Variants in NTN1 observed in about 807,000 individuals in gnomAD.
NTN1 encodes netrin 1.
NTN1 carries 11 observed loss-of-function variants against 54.2 expected under a neutral mutation model. That is an observed-to-expected ratio of 0.20 (90% CI 0.13 to 0.34). NTN1 has a LOEUF of 0.34. Ranked by LOEUF, NTN1 falls within the 10% of genes least tolerant of loss-of-function variation. The probability of loss-of-function intolerance (pLI) is 1.00; values close to 1 mark genes in which losing one functional copy is unlikely to be tolerated. For missense variants in NTN1, 740 were observed against 893.1 expected (o/e 0.83, Z 2.18); for synonymous variants, 371 against 382.0 (o/e 0.97, Z 0.33).
At chr17:9,184,127 G>A (rs1423224892) in intron 5 of NTN1, among the ~76,000 whole-genome samples, 1 of 152,188 alleles carries the variant, frequency 6.6e-6, no homozygotes, top group Non-Finnish European at 1.5e-5. Context: ...GAGAGTATTG[G>A]CAGTGCGCTG....
At chr17:9,065,296 C>T (rs867164869) in intron 2 of NTN1, among the ~76,000 whole-genome samples, 9 of 152,106 alleles carry the variant, frequency 5.9e-5, no homozygotes, top group Non-Finnish European at 8.8e-5. Flanking sequence ...CTCCGTCGGA[C>T]GGTGGCACAG....
chr17:9,068,750 C>T lies in NTN1; in HGVS notation c.1018+45359C>T, dbSNP rs184920775. Among the ~76,000 whole-genome samples, 85 of 152,208 alleles carry T rather than the reference C, an allele frequency of 5.6e-4. No individual in the cohort carries two copies. In the East Asian group the frequency reaches 9.5e-3, roughly 17 times the overall value. ...CTCGAACTCCTGACCTTAGATGATC[C>T]GCCTACCTCGGCCTCCCAAAGTGCT... On this transcript the variant is annotated intron_variant, in intron 2 of 6. Coordinates refer to ENST00000173229, the MANE Select transcript of NTN1 (RefSeq NM_004822.3).
At chr17:9,137,943 G>A (rs1265737453) in intron 2 of NTN1, among the ~76,000 whole-genome samples, 6 of 152,242 alleles carry the variant, frequency 3.9e-5, no homozygotes, top group Admixed American at 2.0e-4. Flanking sequence ...CGTGCCTGCA[G>A]TGAGCTCAGG....
At position 9,226,161 on chromosome 17, in the gene NTN1, T is replaced by TGGGGGG. The variant is rs148213778; in HGVS notation, c.1486+4919_1486+4920insGGGGGG. Among the ~76,000 whole-genome samples the TGGGGGG allele has an allele frequency of 5.0e-3, 589 of 117,578 alleles. 25 individuals are homozygous for TGGGGGG. The highest frequency in any genetic ancestry group is 0.028 in the South Asian group (83 of 2,914). The allele number at this position is 117,578 out of a possible 152,430, so 77.1% of individuals were successfully genotyped here. On this transcript the variant is annotated intron_variant, in intron 6 of 6. Coordinates refer to ENST00000173229, the MANE Select transcript of NTN1 (RefSeq NM_004822.3). ...CGAAGCAAGGCAAAGGGATTTGGGG[T>TGGGGGG]CGGGGGGGGGCCTCAGTGCCAAGGC...
chr17:9,111,815 G>A (rs1405503112), intron 2 of NTN1, among the ~76,000 whole-genome samples: 1 of 152,146 alleles, frequency 6.6e-6, no homozygotes, highest in East Asian at 1.9e-4. Flanking sequence ...TCATCATGAA[G>A]GTCTTCATCC....
intron 2 of NTN1, among the ~76,000 whole-genome samples, chr17:9,099,946 A>G (rs1309969078): frequency 6.6e-6 from 1 of 152,188 alleles, no homozygotes; most frequent in Non-Finnish European, 1.5e-5. Context: ...CCTAGGAACA[A>G]TGATAATTAA....
intron 2 of NTN1, among the ~76,000 whole-genome samples, chr17:9,157,678 A>G (rs56020958): frequency 0.16 from 23,662 of 152,256 alleles, 1,974 homozygotes; most frequent in Non-Finnish European, 0.17. Flanking sequence ...AGAGGGGCAC[A>G]AAGCTTGGGG....
chr17:9,189,191 A>G (rs1332102537), intron 5 of NTN1, among the ~76,000 whole-genome samples: 1 of 152,160 alleles, frequency 6.6e-6, no homozygotes, highest in African/African-American at 2.4e-5. Context: ...GGAGCTAGGT[A>G]CTGTCATCTC....
At position 9,074,336 on chromosome 17, in the gene NTN1, G is replaced by A. The variant is rs79905644; in HGVS notation, c.1018+50945G>A. Among the ~76,000 whole-genome samples the A allele has an allele frequency of 2.8e-3, 421 of 152,278 alleles. 2 individuals are homozygous for A. Among genetic ancestry groups the A allele is most frequent in the African/African-American group, 9.6e-3 (400 of 41,562 alleles). The stretch of plus-strand genomic sequence containing the variant: ...TCATTCTCATCAAGGGTCACTGAGC[G>A]TCTCTCTGCGCGTGGCCTTGGGCTG... On this transcript the variant is annotated intron_variant, in intron 2 of 6. Transcript: ENST00000173229.
At chr17:9,072,939 C>T (rs983475811) in intron 2 of NTN1, among the ~76,000 whole-genome samples, 2 of 152,206 alleles carry the variant, frequency 1.3e-5, no homozygotes, top group South Asian at 4.1e-4. Context: ...CTTCCTCTTT[C>T]CTTCCCCACC....
chr17:9,092,319 CTTTTTTTT>C lies in NTN1; in HGVS notation c.1018+68944_1018+68951del, dbSNP rs148786553. On this transcript the variant is annotated intron_variant, in intron 2 of 6. Coordinates refer to ENST00000173229, the MANE Select transcript of NTN1 (RefSeq NM_004822.3). ...GAGAGGCCACATTTTCTTTTCTTCT[CTTTTTTTT>C]TTTTTTTTTTTTTTTGAGACGGGGT... 9.5e-3 allele frequency among the ~76,000 whole-genome samples: 868 copies of C among 91,778 alleles called. 11 individuals carry two copies. Among genetic ancestry groups the C allele is most frequent in the African/African-American group, 0.033 (825 of 25,298 alleles). 60.2% of individuals were successfully genotyped at this position (91,778 alleles called of 152,430 possible).
intron 2 of NTN1, among the ~76,000 whole-genome samples, chr17:9,132,009 T>G (rs909884859): frequency 3.3e-5 from 5 of 151,814 alleles, no homozygotes; most frequent in African/African-American, 4.8e-5. Flanking sequence ...AAACTGGGTT[T>G]CACTGTGTTA....
At chr17:9,034,508 C>T (rs1311553320) in intron 2 of NTN1, among the ~76,000 whole-genome samples, 2 of 151,148 alleles carry the variant, frequency 1.3e-5, no homozygotes, top group Non-Finnish European at 2.9e-5. Context: ...CTACAGCCTC[C>T]GCCTCTCAGA....
At chr17:9,216,625 G>C (rs1460191499) in intron 5 of NTN1, among the ~76,000 whole-genome samples, 1 of 152,380 alleles carries the variant, frequency 6.6e-6, no homozygotes, top group East Asian at 1.9e-4. Context: ...AAGGCGCACA[G>C]CTCTGTCTTC....
At chr17:9,101,584 C>T (rs1191615966) in intron 2 of NTN1, among the ~76,000 whole-genome samples, 1 of 152,218 alleles carries the variant, frequency 6.6e-6, no homozygotes, top group African/African-American at 2.4e-5. Context: ...GTCCAGGGCC[C>T]ATGACAGCAA....
In NTN1 at chr17:9,239,936, C is replaced by G. The variant is rs1567750151; in HGVS notation, c.1783C>G (p.Arg595Gly). Residue 595 changes from arginine to glycine, a missense_variant, in exon 7 of 7, where the codon CGT becomes GGT. Coordinates refer to ENST00000173229, the MANE Select transcript of NTN1 (RefSeq NM_004822.3). This position sits in a 1 kb window ranked among gnomAD's most constrained non-coding sequence, Gnocchi z 5.2. Reference sequence around the variant, plus strand: ...GCGGCGGCTGCGCAAGTTCCAGCAGCGTGAGAAGAAGGGCAAGTGCAAGAA... The same window carrying G: ...GCGGCGGCTGCGCAAGTTCCAGCAGGGTGAGAAGAAGGGCAAGTGCAAGAA... ...WARRLRKFQQ[R>G]EKKGKCKKA 3 of 1,328,976 alleles carry G rather than the reference C, an allele frequency of 2.3e-6. No individual in the cohort carries two copies. The highest frequency in any genetic ancestry group is 9.4e-5 in the East Asian group (2 of 21,166). 82.3% of individuals were successfully genotyped at this position (1,328,976 alleles called of 1,614,324 possible).
intron 2 of NTN1, among the ~76,000 whole-genome samples, chr17:9,042,021 A>AG (rs2091923494): frequency 6.6e-6 from 1 of 151,820 alleles, no homozygotes; most frequent in Non-Finnish European, 1.5e-5. Context: ...AGAAAAAAAA[A>AG]AAAAAGACAA....
chr17:9,235,738 CTT>C (rs113894662), intron 6 of NTN1, among the ~76,000 whole-genome samples: 1 of 55,250 alleles, frequency 1.8e-5, no homozygotes, highest in African/African-American at 4.9e-5. Context: ...CTTCTTTCTT[CTT>C]TTTTTTTTTC....
intron 5 of NTN1, among the ~76,000 whole-genome samples, chr17:9,193,102 GAAA>G (rs966579541): frequency 1.1e-5 from 1 of 93,098 alleles, no homozygotes; most frequent in Non-Finnish European, 2.4e-5. Context: ...AAAAGAAAAA[GAAA>G]AAAAAGCCGT....
Sources: allele counts gnomAD v4.1 joint callset (sites outside exome capture counted in the v4.1 genomes callset), GRCh38; gene constraint gnomAD v4.1.1; non-coding constraint Gnocchi (gnomAD v3.1); transcripts MANE v1.5; gene names NCBI Gene and HGNC (gene_info 2026-07-23, HGNC 2026-07-21).